Variants in ARHGAP24 observed in about 807,000 individuals in gnomAD.
ARHGAP24 encodes the protein rho GTPase-activating protein 24.
In ARHGAP24, 50 loss-of-function variants were observed where a neutral mutation model predicts 76.4. The observed-to-expected ratio is 0.65, with a 90% CI of 0.52 to 0.83. The LOEUF (loss-of-function observed/expected upper bound fraction) is 0.83, where lower values mean the gene tolerates loss of function less well. ARHGAP24 is among the 40% of genes least tolerant of loss of function. The probability of loss-of-function intolerance (pLI) is 0.00; values close to 1 mark genes in which losing one functional copy is unlikely to be tolerated. For synonymous variants in ARHGAP24, 345 were observed against 323.3 expected (o/e 1.07, Z -0.72); for missense variants, 930 against 914.2 (o/e 1.02, Z -0.22).
chr4:85,488,769 C>A (rs899643737), intron 1 of ARHGAP24, among the ~76,000 whole-genome samples: 2 of 152,078 alleles, frequency 1.3e-5, no homozygotes, highest in Non-Finnish European at 2.9e-5. Context: ...TAGTTAAGTA[C>A]CATCTTTGGC....
At chr4:85,490,792 T>C (rs1436668103) in intron 1 of ARHGAP24, among the ~76,000 whole-genome samples, 1 of 152,166 alleles carries the variant, frequency 6.6e-6, no homozygotes, top group Non-Finnish European at 1.5e-5. Context: ...ATCAAAAAGA[T>C]TTGTTATTTT....
intron 3 of ARHGAP24, among the ~76,000 whole-genome samples, chr4:85,772,054 A>G (rs1167339800): frequency 2.0e-5 from 3 of 152,232 alleles, no homozygotes; most frequent in Non-Finnish European, 2.9e-5. Flanking sequence ...CACTAAAATA[A>G]TTAATAAAAT....
chr4:85,878,710 C>T (rs941643381), intron 3 of ARHGAP24, among the ~76,000 whole-genome samples: 27 of 152,084 alleles, frequency 1.8e-4, no homozygotes, highest in Non-Finnish European at 2.8e-4. Flanking sequence ...GTATAAAAGT[C>T]CCCAAAGTAC....
intron 3 of ARHGAP24, among the ~76,000 whole-genome samples, chr4:85,751,368 A>T (rs150331931): frequency 2.4e-4 from 37 of 152,314 alleles, no homozygotes; most frequent in African/African-American, 8.2e-4. Context: ...AACCTGCAAT[A>T]TCTTATAAAT....
chr4:85,635,725 A>T (rs1406202234), intron 2 of ARHGAP24, among the ~76,000 whole-genome samples: 6 of 151,392 alleles, frequency 4.0e-5, no homozygotes, highest in South Asian at 2.1e-4. Context: ...ATTTTATTTT[A>T]AAAAAATCTT....
chr4:85,602,505 C>T (rs753751605), intron 2 of ARHGAP24, among the ~76,000 whole-genome samples: 19 of 152,236 alleles, frequency 1.2e-4, no homozygotes, highest in African/African-American at 1.7e-4. Flanking sequence ...GCTCCATAGA[C>T]ACATTTTCAC....
intron 2 of ARHGAP24, among the ~76,000 whole-genome samples, chr4:85,707,015 C>T (rs563346342): frequency 1.7e-4 from 25 of 150,202 alleles, no homozygotes; most frequent in Admixed American, 3.3e-4. Flanking sequence ...CCTGGGCTAA[C>T]GTTATCCTCC....
chr4:85,514,822 A>T (rs1244999752), intron 1 of ARHGAP24, among the ~76,000 whole-genome samples: 4 of 144,552 alleles, frequency 2.8e-5, no homozygotes, highest in Non-Finnish European at 1.5e-5. Flanking sequence ...AATTGTAAAA[A>T]AAAAAAAAAA....
intron 1 of ARHGAP24, among the ~76,000 whole-genome samples, chr4:85,523,763 G>A (rs1724877175): frequency 6.6e-6 from 1 of 151,802 alleles, no homozygotes; most frequent in African/African-American, 2.4e-5. Context: ...ACAAATAAAT[G>A]CCTTATAGGC....
At chr4:85,808,134 T>C (rs1354521434) in intron 3 of ARHGAP24, among the ~76,000 whole-genome samples, 1 of 152,202 alleles carries the variant, frequency 6.6e-6, no homozygotes, top group Non-Finnish European at 1.5e-5. Flanking sequence ...TTTATTTTTC[T>C]CCCAATTCGA....
intron 2 of ARHGAP24, among the ~76,000 whole-genome samples, chr4:85,654,120 C>A (rs1722047056): frequency 6.6e-6 from 1 of 152,116 alleles, no homozygotes; most frequent in African/African-American, 2.4e-5. Context: ...GTGGTTTAAG[C>A]AACAGAAATT....
intron 2 of ARHGAP24, among the ~76,000 whole-genome samples, chr4:85,683,648 C>T (rs914211818): frequency 2.9e-5 from 4 of 139,812 alleles, no homozygotes; most frequent in African/African-American, 7.8e-5. Context: ...TGAGATCTAC[C>T]CTCTTAAATT....
chr4:85,507,760 T>G (rs192212470), intron 1 of ARHGAP24, among the ~76,000 whole-genome samples: 1 of 152,240 alleles, frequency 6.6e-6, no homozygotes, highest in Non-Finnish European at 1.5e-5. Context: ...ATTTCATTAT[T>G]ACTTGTAGGG....
chr4:85,493,208 A>G (rs943684179), intron 1 of ARHGAP24, among the ~76,000 whole-genome samples: 4 of 152,218 alleles, frequency 2.6e-5, no homozygotes, highest in East Asian at 1.9e-4. Context: ...TTTCTCTACT[A>G]TAAAGTTGCT....
chr4:85,711,931 C>T (rs1013083755), intron 2 of ARHGAP24, among the ~76,000 whole-genome samples: 4 of 152,178 alleles, frequency 2.6e-5, no homozygotes, highest in Non-Finnish European at 4.4e-5. Context: ...CCTAGAGTTT[C>T]GCATAGTAAA....
intron 5 of ARHGAP24, among the ~76,000 whole-genome samples, chr4:85,949,321 A>G (rs1737466967): frequency 6.6e-6 from 1 of 152,200 alleles, no homozygotes; most frequent in African/African-American, 2.4e-5. Context: ...ATTGCTTCAT[A>G]CCAAACCCAA....
At chr4:85,872,113 A>C (rs575509593) in intron 3 of ARHGAP24, among the ~76,000 whole-genome samples, 12 of 152,018 alleles carry the variant, frequency 7.9e-5, no homozygotes, top group Non-Finnish European at 4.4e-5. Context: ...GGCTGAATGC[A>C]TGTTTGTTTT....
At chr4:85,585,372 A>G (rs1727814348) in intron 2 of ARHGAP24, among the ~76,000 whole-genome samples, 1 of 152,238 alleles carries the variant, frequency 6.6e-6, no homozygotes, top group Non-Finnish European at 1.5e-5. Flanking sequence ...GGCATGGGAC[A>G]GAGAACTGAG....
At chr4:85,764,148 G>A (rs1342771066) in intron 3 of ARHGAP24, among the ~76,000 whole-genome samples, 4 of 151,718 alleles carry the variant, frequency 2.6e-5, no homozygotes, top group Non-Finnish European at 5.9e-5. Flanking sequence ...ATTTATTGAT[G>A]GTTTCCTTTT....
Sources: gnomAD v4.1 joint callset for allele counts (sites outside exome capture counted in the v4.1 genomes callset) on GRCh38, gnomAD v4.1.1 for gene constraint, MANE v1.5 for transcripts, NCBI Gene and HGNC (gene_info 2026-07-23, HGNC 2026-07-21) for gene names.